ACSL4: variants seen among roughly 807,000 people sequenced by gnomAD.
ACSL4 encodes the protein long-chain-fatty-acid--CoA ligase 4.
In ACSL4, 9 loss-of-function variants were observed where a neutral mutation model predicts 49.1. The ratio of observed to expected loss-of-function variants is 0.18; its 90% confidence interval spans 0.11 to 0.32. The LOEUF (loss-of-function observed/expected upper bound fraction) is 0.32. ACSL4 is among the 10% of genes least tolerant of loss of function. The pLI, the probability that ACSL4 is intolerant of heterozygous loss-of-function variation, is 1.00. For synonymous variants in ACSL4, 191 were observed against 170.3 expected, an observed-to-expected ratio of 1.12 and a Z score of -0.95; for missense variants, 333 against 493.7, an observed-to-expected ratio of 0.67 and a Z score of 3.08.
intron 8 of ACSL4, among the ~76,000 whole-genome samples, chrX:109,675,653 A>G (rs901089379): frequency 2.7e-5 from 3 of 112,029 alleles, no homozygotes; most frequent in Non-Finnish European, 5.6e-5. Flanking sequence ...GAAAAATCAA[A>G]GAACGGCTAG....
chrX:109,676,424 A>G (rs1041998591), intron 8 of ACSL4, among the ~76,000 whole-genome samples: 23 of 111,892 alleles, frequency 2.1e-4, no homozygotes, highest in African/African-American at 6.8e-4. Flanking sequence ...TACCAACTAC[A>G]TGCTCCATGG....
intron 9 of ACSL4, among the ~76,000 whole-genome samples, chrX:109,669,534 C>G (rs1258218436): frequency 2.7e-5 from 3 of 110,438 alleles, no homozygotes; most frequent in Admixed American, 9.6e-5. Flanking sequence ...GCTGGGACTA[C>G]AGGCGCCTGC....
chrX:109,670,968 C>A lies in ACSL4; in HGVS notation c.1003-1795G>T, dbSNP rs759917314. Among the ~76,000 whole-genome samples, 53 of 112,363 alleles carry A rather than the reference C, an allele frequency of 4.7e-4. 1 individual carries two copies. Among genetic ancestry groups the A allele is most frequent in the Non-Finnish European group, 6.8e-4 (36 of 53,151 alleles). Reference sequence around the variant, plus strand: ...CTGGAGTGCAGTGGCGTGATCTCGGCTGGCTACAACCTCCACCTCCCAGCC... The same window carrying A: ...CTGGAGTGCAGTGGCGTGATCTCGGATGGCTACAACCTCCACCTCCCAGCC... On this transcript the variant is annotated intron_variant, in intron 9 of 15. Transcript: ENST00000672401.
In ACSL4 at chrX:109,682,783, G is replaced by A; in HGVS notation, c.342C>T (p.Ile114=). 1 of 1,211,843 alleles carries A rather than the reference G, an allele frequency of 8.3e-7. No homozygotes were observed. The highest frequency in any genetic ancestry group is 1.1e-6 in the Non-Finnish European group (1 of 895,554). The part of the protein sequence containing the change: ...LGLKPKNTIA[I]FCETRAEWMI... The stretch of plus-strand genomic sequence containing the variant: ...TCCATTCGGCCCTGGTCTCACAGAA[G>A]ATGGCAATGGTGTTCTTTGGTTTTA... Residue 114 remains isoleucine (I), a synonymous_variant, in exon 4 of 16, where the codon ATC becomes ATT. Coordinates refer to ENST00000672401, the MANE Select transcript of ACSL4 (RefSeq NM_001318510.2).
At chrX:109,672,297 G>C (rs974306021) in intron 9 of ACSL4, among the ~76,000 whole-genome samples, 1 of 109,023 alleles carries the variant, frequency 9.2e-6, no homozygotes, top group African/African-American at 3.4e-5. Context: ...GGGGTGGGGA[G>C]GGGAGAGGGG....
intron 1 of ACSL4, among the ~76,000 whole-genome samples, chrX:109,701,071 C>T (rs1011930105): frequency 9.0e-6 from 1 of 111,470 alleles, no homozygotes; most frequent in Admixed American, 9.5e-5. Context: ...AGCAAACAAA[C>T]AATAAAATAA....
chrX:109,724,641 G>T (rs1196270530), intron 1 of ACSL4, among the ~76,000 whole-genome samples: 2 of 111,180 alleles, frequency 1.8e-5, no homozygotes, highest in Non-Finnish European at 3.8e-5. Context: ...GCTAGGCGTG[G>T]TGGCTCACGC....
rs764102396 is a variant in ACSL4, at chrX:109,681,402, TTAAG to T, written c.407-31_407-28del. ...TACATAATAAAAATAAACACAAATA[TTAAG>T]TAATAAACATCTATTAGAAATGGAT... On this transcript the variant is annotated intron_variant, in intron 4 of 15. Transcript: ENST00000672401. The T allele has an allele frequency of 4.7e-5, 48 of 1,021,541 alleles. No individual in the cohort carries two copies. The South Asian group carries it at 9.0e-4, about 19-fold the overall frequency. 84.2% of individuals were successfully genotyped at this position (1,021,541 alleles called of 1,213,427 possible).
chrX:109,671,813 A>G (rs1040572902), intron 9 of ACSL4, among the ~76,000 whole-genome samples: 1 of 111,219 alleles, frequency 9.0e-6, no homozygotes, highest in Non-Finnish European at 1.9e-5. Flanking sequence ...TGCTGTGTCC[A>G]CTAAGGGTTA....
intron 8 of ACSL4, among the ~76,000 whole-genome samples, chrX:109,674,901 A>G (rs1675616276): frequency 8.9e-6 from 1 of 112,275 alleles, no homozygotes; most frequent in Admixed American, 9.4e-5. Flanking sequence ...CACTATGAAC[A>G]TCAATTAACA....
chrX:109,725,224 G>A (rs1927882797), intron 1 of ACSL4, among the ~76,000 whole-genome samples: 1 of 106,706 alleles, frequency 9.4e-6, no homozygotes, highest in Non-Finnish European at 1.9e-5. Context: ...GGGGACTACA[G>A]GTGTGTGCCA....
intron 1 of ACSL4, among the ~76,000 whole-genome samples, chrX:109,732,011 AATT>A (rs1294150374): frequency 8.9e-6 from 1 of 112,555 alleles, no homozygotes; most frequent in Non-Finnish European, 1.9e-5. Flanking sequence ...AATCAGGTTA[AATT>A]TGCATTATGC....
Position 109,682,722 on chromosome X carries a change from G to C in ACSL4, c.403C>G (p.Pro135Ala), listed in dbSNP as rs1660027301. Residue 135 changes from proline to alanine, a missense_variant, in exon 4 of 16, where the codon CCT (proline) becomes GCT (alanine). By Grantham distance (27) the Pro-to-Ala change is conservative. This residue lies in a region of ACSL4 where 157 missense variants were observed against 201.1 expected (regional missense o/e 0.78). Coordinates refer to ENST00000672401, the MANE Select transcript of ACSL4 (RefSeq NM_001318510.2). The stretch of plus-strand genomic sequence containing the variant: ...TCCAAAAACACAAGGCACTTACGAG[G>C]AAAGTTGTACTTAAAGCAGGTCTGT... ...AAQTCFKYNF[P>A]LVTLYATLGK... The C allele has an allele frequency of 5.8e-6, 7 of 1,209,667 alleles. No homozygotes were observed. The highest frequency in any genetic ancestry group is 7.8e-6 in the Non-Finnish European group (7 of 895,109).
At position 109,681,386 on chromosome X, in the gene ACSL4, A is replaced by AAAATAAACACAAATATTAAG. The variant is rs1162890761; in HGVS notation, c.407-31_407-12dup. 9.1e-7 allele frequency: 1 copy of AAAATAAACACAAATATTAAG among 1,100,708 alleles called. No homozygotes were observed. Among genetic ancestry groups the AAAATAAACACAAATATTAAG allele is most frequent in the African/African-American group, 1.8e-5 (1 of 55,287 alleles). The allele number at this position is 1,100,708 out of a possible 1,213,427, so 90.7% of individuals were successfully genotyped here. A position where few individuals can be genotyped will look rare whatever the true frequency, so the allele number is the denominator to read the frequency against. ...CATATAAAGTCACAACTACATAATA[A>AAAATAAACACAAATATTAAG]AAATAAACACAAATATTAAGTAATA... On this transcript the variant is annotated splice_polypyrimidine_tract_variant and intron_variant, in intron 4 of 15. Coordinates refer to ENST00000672401, the MANE Select transcript of ACSL4 (RefSeq NM_001318510.2).
chrX:109,710,448 T>C (rs1408831105), intron 1 of ACSL4, among the ~76,000 whole-genome samples: 3 of 112,294 alleles, frequency 2.7e-5, no homozygotes, highest in African/African-American at 9.7e-5. Context: ...TTCAATGATA[T>C]CAAATTACTA....
chrX:109,647,793 A>G (rs761848657), intron 15 of ACSL4, among the ~76,000 whole-genome samples: 1 of 111,128 alleles, frequency 9.0e-6, no homozygotes, highest in African/African-American at 3.3e-5. Flanking sequence ...TAATAAAGAA[A>G]AAAAGAGAGA....
chrX:109,724,590 G>T (rs1277566822), intron 1 of ACSL4, among the ~76,000 whole-genome samples: 2 of 111,560 alleles, frequency 1.8e-5, no homozygotes, highest in East Asian at 5.6e-4. Flanking sequence ...GGAACCATAG[G>T]CACATGGCAC....
rs1218350261 is a variant in ACSL4, at chrX:109,681,142, G to A, written c.517-6C>T. On this transcript the variant is annotated splice_region_variant and splice_polypyrimidine_tract_variant and intron_variant, in intron 5 of 15. Coordinates refer to ENST00000672401, the MANE Select transcript of ACSL4 (RefSeq NM_001318510.2). ...CTGATATCTAACAATGCAGTCTGTT[G>A]AGCAGAAAGAAAAAAAAACAGCTAT... 1.8e-5 allele frequency: 22 copies of A among 1,206,285 alleles called. No homozygotes were observed. The highest frequency in any genetic ancestry group is 1.1e-4 in the Admixed American group (5 of 45,437).
chrX:109,713,071 G>A (rs1239437755), intron 1 of ACSL4, among the ~76,000 whole-genome samples: 2 of 108,860 alleles, frequency 1.8e-5, no homozygotes, highest in African/African-American at 6.7e-5. Context: ...AGGGATGAAG[G>A]GAAGAAGGGA....
Sources: gnomAD v4.1 joint callset for allele counts (sites outside exome capture counted in the v4.1 genomes callset) on GRCh38, gnomAD v4.1.1 for gene constraint, gnomAD v4.1.1 regional missense constraint, MANE v1.5 for transcripts, NCBI Gene and HGNC (gene_info 2026-07-23, HGNC 2026-07-21) for gene names.